OPHN1: variants seen among roughly 807,000 people sequenced by gnomAD.
OPHN1 encodes the protein oligophrenin 1.
In OPHN1, 11 loss-of-function variants were observed where a neutral mutation model predicts 60.7. The ratio of observed to expected loss-of-function variants is 0.18; its 90% confidence interval spans 0.11 to 0.30. The LOEUF (loss-of-function observed/expected upper bound fraction) is 0.30, where lower values mean the gene tolerates loss of function less well. Ranked by LOEUF, OPHN1 falls within the 10% of genes least tolerant of loss-of-function variation. OPHN1 has a pLI of 1.00. For synonymous variants in OPHN1, 226 were observed against 222.6 expected, an observed-to-expected ratio of 1.02 and a Z score of -0.14; for missense variants, 449 against 611.0, an observed-to-expected ratio of 0.73 and a Z score of 2.80.
intron 18 of OPHN1, among the ~76,000 whole-genome samples, chrX:68,101,501 T>G (rs1040613981): frequency 2.7e-5 from 3 of 112,426 alleles, no homozygotes; most frequent in Admixed American, 1.9e-4. Context: ...TACTCTAACA[T>G]GTATAACGTA....
At chrX:68,367,081 C>G (rs777517975) in intron 2 of OPHN1, among the ~76,000 whole-genome samples, 1 of 110,666 alleles carries the variant, frequency 9.0e-6, no homozygotes, top group East Asian at 2.9e-4. Flanking sequence ...ATGCAGAGGC[C>G]GGGGATGGTG....
chrX:68,261,494 G>A (rs938749562), intron 5 of OPHN1, among the ~76,000 whole-genome samples: 15 of 110,824 alleles, frequency 1.4e-4, no homozygotes, highest in African/African-American at 4.6e-4. Flanking sequence ...GGGAGGCGGG[G>A]AAGTTGCATG....
intron 19 of OPHN1, among the ~76,000 whole-genome samples, chrX:68,094,928 CCTCTA>C (rs1304433368): frequency 9.0e-6 from 1 of 110,966 alleles, no homozygotes; most frequent in African/African-American, 3.3e-5. Context: ...ATGAATCATT[CCTCTA>C]CTCCCTATCG....
intron 2 of OPHN1, among the ~76,000 whole-genome samples, chrX:68,374,354 CAA>C (rs151096060): frequency 1.1e-4 from 8 of 70,823 alleles, no homozygotes; most frequent in Admixed American, 3.4e-4. Flanking sequence ...GACTCCATCT[CAA>C]AAAAAAAAAA....
At chrX:68,091,258 C>T in intron 19 of OPHN1, among the ~76,000 whole-genome samples, 1 of 111,481 alleles carries the variant, frequency 9.0e-6, no homozygotes, top group Non-Finnish European at 1.9e-5. Context: ...CACACTGATT[C>T]CATGTTCACT....
chrX:68,123,403 G>A (rs1051880474), intron 15 of OPHN1, among the ~76,000 whole-genome samples: 2 of 111,758 alleles, frequency 1.8e-5, no homozygotes, highest in Non-Finnish European at 3.8e-5. Flanking sequence ...AAACTCACTG[G>A]TAATAGTAAG....
intron 5 of OPHN1, among the ~76,000 whole-genome samples, chrX:68,263,955 C>T (rs985095926): frequency 6.3e-5 from 7 of 111,702 alleles, no homozygotes; most frequent in Non-Finnish European, 7.5e-5. Flanking sequence ...TACAGTGCAA[C>T]GAGTTCTGTG....
chrX:68,174,397 A>T (rs1602211865), intron 15 of OPHN1, among the ~76,000 whole-genome samples: 1 of 110,700 alleles, frequency 9.0e-6, no homozygotes, highest in Non-Finnish European at 1.9e-5. Context: ...GTAGGAAAAA[A>T]TTAAAACTCT....
At chrX:68,260,677 G>A (rs2077888715) in intron 5 of OPHN1, among the ~76,000 whole-genome samples, 1 of 111,714 alleles carries the variant, frequency 9.0e-6, no homozygotes, top group African/African-American at 3.3e-5. Context: ...CTTATAAAAT[G>A]TTTGCTACAG....
intron 2 of OPHN1, among the ~76,000 whole-genome samples, chrX:68,386,573 C>G (rs1018522538): frequency 1.8e-5 from 2 of 112,000 alleles, no homozygotes; most frequent in East Asian, 5.6e-4. Context: ...TGAATCTGCA[C>G]TAATAGTGTT....
intron 5 of OPHN1, among the ~76,000 whole-genome samples, chrX:68,241,219 C>T (rs184253651): frequency 9.7e-4 from 108 of 111,685 alleles, no homozygotes; most frequent in African/African-American, 3.3e-3. Context: ...ATAGCTCAAA[C>T]TTATTGTATT....
intron 15 of OPHN1, among the ~76,000 whole-genome samples, chrX:68,157,790 C>T: frequency 8.9e-6 from 1 of 111,932 alleles, no homozygotes; most frequent in East Asian, 2.8e-4. Flanking sequence ...CCACAAAACA[C>T]AAAACAGACA....
chrX:68,289,913 G>C (rs1239977410), intron 3 of OPHN1, among the ~76,000 whole-genome samples: 1 of 111,736 alleles, frequency 8.9e-6, no homozygotes, highest in Non-Finnish European at 1.9e-5. Flanking sequence ...AAAATAGCTA[G>C]AGTGTCACAC....
chrX:68,096,734 T>C (rs1349115791), intron 19 of OPHN1, 136 bp downstream of exon 19: 2 of 623,466 alleles, frequency 3.2e-6, no homozygotes, highest in African/African-American at 2.2e-5. Flanking sequence ...AGAGTTGCCA[T>C]TAAATGTCAT....
chrX:68,335,491 G>C (rs2078317726), intron 2 of OPHN1, among the ~76,000 whole-genome samples: 1 of 112,313 alleles, frequency 8.9e-6, no homozygotes, highest in Non-Finnish European at 1.9e-5. Flanking sequence ...GACAAACTTT[G>C]AGAACCACAG....
intron 5 of OPHN1, among the ~76,000 whole-genome samples, chrX:68,261,095 C>T (rs1388718477): frequency 4.5e-5 from 5 of 111,526 alleles, no homozygotes; most frequent in African/African-American, 1.6e-4. Context: ...TGAGAACACA[C>T]TATATCATAG....
chrX:68,235,588 AGCACTTTGG>A (rs1438784343), intron 5 of OPHN1, among the ~76,000 whole-genome samples: 1 of 110,245 alleles, frequency 9.1e-6, no homozygotes, highest in Non-Finnish European at 1.9e-5. Context: ...CTGTAATGCC[AGCACTTTGG>A]GAGGCCGAGG....
intron 6 of OPHN1, among the ~76,000 whole-genome samples, chrX:68,223,161 A>G (rs2077671910): frequency 1.8e-5 from 2 of 111,585 alleles, no homozygotes; most frequent in South Asian, 7.4e-4. Flanking sequence ...TAGAACTACT[A>G]TTTGATCCAA....
At chrX:68,071,145 G>T (rs764115182) in intron 20 of OPHN1, 1 of 808,932 alleles carries the variant, frequency 1.2e-6, no homozygotes, top group African/African-American at 2.0e-5. Flanking sequence ...CACCCAGAAT[G>T]GCCAGGAAGG....
Sources: allele counts gnomAD v4.1 joint callset (sites outside exome capture counted in the v4.1 genomes callset), GRCh38; gene constraint gnomAD v4.1.1; transcripts MANE v1.5; gene names NCBI Gene and HGNC (gene_info 2026-07-23, HGNC 2026-07-21).